VSTM4: variants seen among roughly 807,000 people sequenced by gnomAD.
VSTM4 encodes the protein V-set and transmembrane domain-containing protein 4.
Under a neutral mutation model 36.4 loss-of-function variants are expected in VSTM4, and 20 were observed. The ratio of observed to expected loss-of-function variants is 0.55; its 90% CI spans 0.39 to 0.80. The LOEUF (loss-of-function observed/expected upper bound fraction) is 0.80. VSTM4 is among the 30% of genes least tolerant of loss of function. VSTM4 has a pLI of 0.00. For missense variants in VSTM4, 392 were observed against 404.5 expected (o/e 0.97, Z 0.26); for synonymous variants, 182 against 173.9 (o/e 1.05, Z -0.37).
chr10:49,075,347 G>A (rs1844157884), intron 4 of VSTM4, among the ~76,000 whole-genome samples: 1 of 152,234 alleles, frequency 6.6e-6, no homozygotes, highest in African/African-American at 2.4e-5. Context: ...CTTGGAAACT[G>A]CCTATGTGGC....
chr10:49,098,671 C>G (rs181632323), intron 2 of VSTM4, among the ~76,000 whole-genome samples: 8 of 152,318 alleles, frequency 5.3e-5, no homozygotes, highest in Admixed American at 2.6e-4. Context: ...TCCATGCCGC[C>G]CCCACATAAA....
In VSTM4 at chr10:49,023,615, A is replaced by C. The variant is rs567720590; in HGVS notation, c.838-3840T>G. Among the ~76,000 whole-genome samples the C allele has an allele frequency of 2.6e-5, 4 of 152,346 alleles. 1 individual carries two copies. The highest frequency in any genetic ancestry group is 9.6e-5 in the African/African-American group (4 of 41,586). On this transcript the variant is annotated intron_variant, in intron 7 of 7. Coordinates refer to ENST00000332853, the MANE Select transcript of VSTM4 (RefSeq NM_001031746.5). ...TGTTGCAAAGCCTCACCTTTACTTCAGATGATACAAGTTTACTGCTATCTT... is the reference window on the plus strand; with the variant it reads ...TGTTGCAAAGCCTCACCTTTACTTCCGATGATACAAGTTTACTGCTATCTT...
chr10:49,037,485 C>T (rs539383024), intron 7 of VSTM4, among the ~76,000 whole-genome samples: 20 of 152,324 alleles, frequency 1.3e-4, no homozygotes, highest in South Asian at 6.2e-4. Flanking sequence ...GATCCTCCCA[C>T]GCAAACATTA....
chr10:49,062,437 G>A (rs966827688), intron 5 of VSTM4, among the ~76,000 whole-genome samples: 6 of 152,106 alleles, frequency 3.9e-5, no homozygotes, highest in Admixed American at 6.6e-5. Context: ...CAGTTTTGCT[G>A]GATATAAAAT....
At chr10:49,068,207 A>G (rs1488132094) in intron 4 of VSTM4, among the ~76,000 whole-genome samples, 2 of 152,074 alleles carry the variant, frequency 1.3e-5, no homozygotes, top group Non-Finnish European at 2.9e-5. Context: ...AGGTGGGGAA[A>G]TAGAGTCTCA....
chr10:49,033,281 C>T (rs1335391434), intron 7 of VSTM4, among the ~76,000 whole-genome samples: 1 of 152,174 alleles, frequency 6.6e-6, no homozygotes, highest in Non-Finnish European at 1.5e-5. Flanking sequence ...GAAAACAATT[C>T]AACCTGTGAA....
rs1844808988 is a variant in VSTM4 at position 49,107,677 on chromosome 10, T to TA, written c.373dup (p.Tyr125LeufsTer36). The TA allele has an allele frequency of 1.6e-5, 26 of 1,614,188 alleles. No individual in the cohort carries two copies. Among genetic ancestry groups the TA allele is most frequent in the Non-Finnish European group, 2.2e-5 (26 of 1,180,028 alleles). ...GCTGATTTCCTGGACTCTGCAGACG[T>TA]AATGCCCTTGATCGGAGGGCTGCAG... On this transcript the variant is annotated frameshift_variant, in exon 2 of 8. Coordinates refer to ENST00000332853, the MANE Select transcript of VSTM4 (RefSeq NM_001031746.5). LOFTEE classifies it high-confidence loss of function.
intron 3 of VSTM4, among the ~76,000 whole-genome samples, chr10:49,079,018 G>A (rs2131993605): frequency 6.6e-6 from 1 of 151,920 alleles, no homozygotes; most frequent in Non-Finnish European, 1.5e-5. Context: ...TTTTGGTAGA[G>A]ACAGGGTTTC....
chr10:49,102,782 G>GT, intron 2 of VSTM4: 1 of 983,790 alleles, frequency 1.0e-6, no homozygotes, highest in Non-Finnish European at 1.2e-6. Context: ...CATTCATCAA[G>GT]TATCTATTGA....
rs57143308 is a variant in VSTM4 at position 49,096,622 on chromosome 10, C to CGTGTGTGTGTGTGTGTGTGTGTGT, written c.458-10623_458-10600dup. Among the ~76,000 whole-genome samples the CGTGTGTGTGTGTGTGTGTGTGTGT allele has an allele frequency of 1.4e-3, 166 of 122,556 alleles. 2 individuals are homozygous for CGTGTGTGTGTGTGTGTGTGTGTGT. Among genetic ancestry groups the CGTGTGTGTGTGTGTGTGTGTGTGT allele is most frequent in the African/African-American group, 5.4e-3 (155 of 28,928 alleles). 80.4% of individuals were successfully genotyped at this position (122,556 alleles called of 152,430 possible). On this transcript the variant is annotated intron_variant, in intron 2 of 7. Transcript: ENST00000332853. ...ATTGGGTTGAAAAGCCATTGAAGACCGTGTGTGTGTGTGTGTGTGTGTGTG... is the reference window on the plus strand; with the variant it reads ...ATTGGGTTGAAAAGCCATTGAAGACCGTGTGTGTGTGTGTGTGTGTGTGTGTGTGTGTGTGTGTGTGTGTGTGTG...
chr10:49,095,534 G>A (rs995003409), intron 2 of VSTM4, among the ~76,000 whole-genome samples: 1 of 152,112 alleles, frequency 6.6e-6, no homozygotes, highest in Non-Finnish European at 1.5e-5. Flanking sequence ...AGTCCATTGA[G>A]TTACTTTTGC....
intron 7 of VSTM4, among the ~76,000 whole-genome samples, chr10:49,029,581 C>G (rs1250652301): frequency 6.6e-6 from 1 of 152,226 alleles, no homozygotes; most frequent in Admixed American, 6.5e-5. Flanking sequence ...CAAATGCATG[C>G]TCAGAGGCAG....
chr10:49,077,917 A>G (rs1361516610), intron 3 of VSTM4, among the ~76,000 whole-genome samples: 2 of 152,188 alleles, frequency 1.3e-5, no homozygotes, highest in African/African-American at 4.8e-5. Flanking sequence ...CACATATCCA[A>G]CAAAGGACTA....
intron 5 of VSTM4, among the ~76,000 whole-genome samples, chr10:49,058,111 C>T (rs1440881532): frequency 6.6e-6 from 1 of 152,168 alleles, no homozygotes; most frequent in South Asian, 2.1e-4. Context: ...CCTCAGCTTC[C>T]ATATCTATAC....
chr10:49,077,396 C>A, intron 3 of VSTM4, 70 bp from the exon 4 acceptor site: 1 of 1,399,262 alleles, frequency 7.1e-7, no homozygotes, highest in Non-Finnish European at 1.0e-6. Context: ...GGCAAGAGAA[C>A]AATCAGAATT....
At chr10:49,034,479 T>C (rs1311123853) in intron 7 of VSTM4, among the ~76,000 whole-genome samples, 1 of 152,250 alleles carries the variant, frequency 6.6e-6, no homozygotes. Context: ...GATAAATTTA[T>C]GAGGCTATGT....
At position 49,043,565 on chromosome 10, in the gene VSTM4, G is replaced by T. The variant is rs985455955; in HGVS notation, c.837+3418C>A. On this transcript the variant is annotated intron_variant, in intron 7 of 7. Transcript: ENST00000332853. The stretch of plus-strand genomic sequence containing the variant: ...CTAGAATTCCATTCACAGACAAATT[G>T]CTCAAATGGAAAGGCAAGTAAAGGT... Among the ~76,000 whole-genome samples the T allele has an allele frequency of 3.0e-4, 45 of 152,160 alleles. 1 individual carries two copies. Among genetic ancestry groups the T allele is most frequent in the Non-Finnish European group, 1.5e-4 (10 of 67,998 alleles).
intron 5 of VSTM4, among the ~76,000 whole-genome samples, chr10:49,062,164 C>T (rs1257324549): frequency 6.6e-6 from 1 of 152,172 alleles, no homozygotes; most frequent in African/African-American, 2.4e-5. Flanking sequence ...ACAGTGTTGT[C>T]TTGAGCATCA....
At chr10:49,046,744 C>G (rs1253991176) in intron 7 of VSTM4, among the ~76,000 whole-genome samples, 1 of 152,130 alleles carries the variant, frequency 6.6e-6, no homozygotes, top group African/African-American at 2.4e-5. Flanking sequence ...GCTTTTCTCC[C>G]GTTTGAAACA....
Sources: gnomAD v4.1 joint callset for allele counts (sites outside exome capture counted in the v4.1 genomes callset) on GRCh38, gnomAD v4.1.1 for gene constraint, MANE v1.5 for transcripts, NCBI Gene and HGNC (gene_info 2026-07-23, HGNC 2026-07-21) for gene names.